The following RABGAP1 variants were observed in gnomAD, a reference collection of about 807,000 sequenced individuals.
RABGAP1 encodes the protein RAB GTPase activating protein 1.
RABGAP1 carries 23 observed loss-of-function variants against 137.6 expected under a neutral mutation model. That is an observed-to-expected ratio of 0.17 (90% CI 0.12 to 0.24). The LOEUF (loss-of-function observed/expected upper bound fraction) is 0.24, where lower values mean the gene tolerates loss of function less well. RABGAP1 is among the 10% of genes least tolerant of loss of function. The pLI, the probability that RABGAP1 is intolerant of heterozygous loss-of-function variation, is 1.00. For missense variants in RABGAP1, 906 were observed against 1,275.8 expected, an observed-to-expected ratio of 0.71 and a Z score of 4.42; for synonymous variants, 451 against 450.7, an observed-to-expected ratio of 1.00 and a Z score of -0.01.
chr9:122,986,419 G>A lies in RABGAP1; in HGVS notation c.590G>A (p.Arg197Lys). The change falls in exon 4 of 26, where the codon AGA (arginine) becomes AAA (lysine). Residue 197 changes from arginine to lysine, a missense_variant and splice_region_variant. Arg to Lys is a conservative substitution (Grantham distance 26). Transcript: ENST00000373647. Reference protein sequence around the residue: ...SVPNVSEGIVRLLDPQTNTEI... With the variant: ...SVPNVSEGIVKLLDPQTNTEI... ...CCGAATGTGTCTGAAGGAATTGTGA[G>A]GTGAGACTGGTTTGTTGAAATCTTT... 3 of 1,613,588 alleles carry A rather than the reference G, an allele frequency of 1.9e-6. No homozygotes were observed. The highest frequency in any genetic ancestry group is 2.5e-6 in the Non-Finnish European group (3 of 1,179,538).
At chr9:122,973,467 T>C (rs1835584503) in intron 2 of RABGAP1, among the ~76,000 whole-genome samples, 1 of 151,882 alleles carries the variant, frequency 6.6e-6, no homozygotes, top group Non-Finnish European at 1.5e-5. Flanking sequence ...CGATCTGACC[T>C]CGTGATCCAC....
intron 25 of RABGAP1, 32 bp downstream of exon 25, chr9:123,101,795 C>T (rs576151916): frequency 1.4e-5 from 21 of 1,534,988 alleles, no homozygotes; most frequent in East Asian, 7.0e-5. Flanking sequence ...CATGTGCCTG[C>T]GGGCTGGGTT....
At chr9:122,938,527 A>G (rs993557897), upstream of RABGAP1, 1 of 152,238 alleles carries the variant, frequency 6.6e-6, no homozygotes, top group Non-Finnish European at 1.5e-5. Flanking sequence ...ATATCAATAT[A>G]TAGCATTGGT....
rs372815932 is a variant in RABGAP1, at chr9:123,020,009, T to TA, written c.1644-299dup. The stretch of plus-strand genomic sequence containing the variant: ...ATCTTTTTTATATAAACCATAGCCA[T>TA]AGAGCTTCATCTGTGATTTCCAGTT... On this transcript the variant is annotated intron_variant, in intron 12 of 25. Transcript: ENST00000373647. 2.5e-3 allele frequency among the ~76,000 whole-genome samples: 379 copies of TA among 151,840 alleles called. 1 individual carries two copies. The highest frequency in any genetic ancestry group is 8.4e-3 in the African/African-American group (347 of 41,494).
intron 10 of RABGAP1, among the ~76,000 whole-genome samples, 187 bp downstream of exon 10, chr9:122,998,953 A>T (rs1564391211): frequency 6.6e-6 from 1 of 152,158 alleles, no homozygotes; most frequent in African/African-American, 2.4e-5. Context: ...CTTCCCAAAG[A>T]TCCACATTTC....
chr9:122,984,992 C>T (rs1588214560), intron 3 of RABGAP1, among the ~76,000 whole-genome samples: 3 of 6,788 alleles, frequency 4.4e-4, no homozygotes, highest in Admixed American at 3.6e-3. Flanking sequence ...TTTTTTTTTC[C>T]CCCCAGGAAT....
chr9:123,030,710 C>T (rs1209913415), intron 13 of RABGAP1, among the ~76,000 whole-genome samples: 2 of 152,120 alleles, frequency 1.3e-5, no homozygotes, highest in African/African-American at 2.4e-5. Context: ...TCAGTAACCT[C>T]CTTCTAGCTA....
At chr9:123,076,495 A>G (rs2034514569) in intron 18 of RABGAP1, 139 bp from the exon 19 acceptor site, 2 of 1,083,072 alleles carry the variant, frequency 1.8e-6, no homozygotes, top group South Asian at 3.3e-5. Flanking sequence ...CAGTGGATGT[A>G]TGCAGGTGGC....
intron 1 of RABGAP1, among the ~76,000 whole-genome samples, chr9:122,950,540 CTG>C (rs1834189629): frequency 6.6e-6 from 1 of 151,930 alleles, no homozygotes; most frequent in African/African-American, 2.4e-5. Context: ...TAGAGCCCTG[CTG>C]TGTATTCTCA....
chr9:122,950,377 C>CTTTTTTTTCTTTTT (rs1834168492), intron 1 of RABGAP1, among the ~76,000 whole-genome samples: 1 of 74,490 alleles, frequency 1.3e-5, no homozygotes, highest in Admixed American at 1.8e-4. Flanking sequence ...CTTTTTCTTT[C>CTTTTTTTTCTTTTT]TTTTTTTTTT....
chr9:123,093,448 C>T (rs562786083), intron 21 of RABGAP1, among the ~76,000 whole-genome samples: 32 of 152,340 alleles, frequency 2.1e-4, no homozygotes, highest in African/African-American at 7.2e-4. Context: ...AGCAGGGTCA[C>T]TCCTCTGTGT....
intron 12 of RABGAP1, 102 bp from the exon 13 acceptor site, chr9:123,020,207 T>C (rs913438821): frequency 4.7e-6 from 5 of 1,058,964 alleles, no homozygotes; most frequent in African/African-American, 1.6e-5. Flanking sequence ...TGTTACCTTG[T>C]CACGTATTTG....
chr9:123,069,483 A>C (rs1044494487), intron 14 of RABGAP1, among the ~76,000 whole-genome samples: 2 of 151,934 alleles, frequency 1.3e-5, no homozygotes, highest in African/African-American at 2.4e-5. Context: ...CACGCCTGTA[A>C]TCCTAGCAGT....
At chr9:123,056,735 G>C (rs548362034) in intron 13 of RABGAP1, among the ~76,000 whole-genome samples, 1 of 151,960 alleles carries the variant, frequency 6.6e-6, no homozygotes, top group Non-Finnish European at 1.5e-5. Flanking sequence ...ATCTTGCACC[G>C]CCCTTAATCC....
chr9:123,056,004 A>G (rs1252979935), intron 13 of RABGAP1, among the ~76,000 whole-genome samples: 1 of 152,066 alleles, frequency 6.6e-6, no homozygotes, highest in African/African-American at 2.4e-5. Context: ...AAGGGAGACT[A>G]TTTCCTATTT....
At chr9:123,020,551 T>G in intron 13 of RABGAP1, 92 bp downstream of exon 13, 1 of 1,213,018 alleles carries the variant, frequency 8.2e-7, no homozygotes, top group Non-Finnish European at 1.1e-6. Context: ...AAGAAGTGTT[T>G]ATTATTAATT....
intron 1 of RABGAP1, among the ~76,000 whole-genome samples, chr9:122,956,567 G>A (rs1834532824): frequency 1.3e-5 from 2 of 150,310 alleles, no homozygotes; most frequent in Non-Finnish European, 3.0e-5. Context: ...GGAGAATGGC[G>A]TGAACCCAGG....
intron 2 of RABGAP1, chr9:122,971,766 A>G (rs1835483876): frequency 6.6e-6 from 1 of 152,252 alleles, no homozygotes; most frequent in Non-Finnish European, 1.5e-5. Flanking sequence ...GAAATTATCC[A>G]GAAGATAGCA....
intron 12 of RABGAP1, among the ~76,000 whole-genome samples, chr9:123,018,763 T>A (rs925133661): frequency 3.3e-5 from 5 of 152,250 alleles, no homozygotes; most frequent in African/African-American, 1.2e-4. Context: ...AGAATTCTTA[T>A]AGGATTCTGT....
Sources: allele counts gnomAD v4.1 joint callset (sites outside exome capture counted in the v4.1 genomes callset), GRCh38; gene constraint gnomAD v4.1.1; transcripts MANE v1.5; gene names NCBI Gene and HGNC (gene_info 2026-07-23, HGNC 2026-07-21).